The following SCYL1 variants were observed in gnomAD, a reference collection of about 807,000 sequenced individuals.
The protein encoded by SCYL1 is N-terminal kinase-like protein.
A neutral mutation model predicts 94.8 loss-of-function variants in SCYL1; 85 were observed. The ratio of observed to expected loss-of-function variants is 0.90; its 90% CI spans 0.75 to 1.07. SCYL1 has a LOEUF of 1.07. SCYL1 is among the 50% of genes least tolerant of loss of function. The probability of loss-of-function intolerance (pLI) is 0.00; values close to 1 mark genes in which losing one functional copy is unlikely to be tolerated. For synonymous variants in SCYL1, 459 were observed against 435.5 expected, an observed-to-expected ratio of 1.05 and a Z score of -0.67; for missense variants, 968 against 1,083.3, an observed-to-expected ratio of 0.89 and a Z score of 1.49.
At chr11:65,530,885 GC>G in intron 7 of SCYL1, 98 bp downstream of exon 7, 1 of 1,351,838 alleles carries the variant, frequency 7.4e-7, no homozygotes, top group Non-Finnish European at 9.9e-7. Context: ...GCAGACCCAA[GC>G]CCATATGAGC....
rs751907866 is a variant in SCYL1 at position 65,530,620 on chromosome 11, C to T, written c.850-9C>T. ...ATCTCTTCCCCGGGTCCCGTCCTCA[C>T]TCCCCCAGATCAAAGAGCCAGCCGA... is the stretch of plus-strand genomic sequence containing the variant. On this transcript the variant is annotated splice_polypyrimidine_tract_variant and intron_variant, in intron 6 of 17. Transcript: ENST00000270176. 4 of 1,610,858 alleles carry T rather than the reference C, an allele frequency of 2.5e-6. No individual in the cohort carries two copies. The highest frequency in any genetic ancestry group is 3.4e-6 in the Non-Finnish European group (4 of 1,178,266).
intron 6 of SCYL1, 126 bp from the exon 7 acceptor site, chr11:65,530,503 C>T: frequency 9.3e-7 from 1 of 1,076,096 alleles, no homozygotes; most frequent in Non-Finnish European, 1.3e-6. Context: ...GGGCTTTGAA[C>T]CCAGGCAGCC....
Position 65,531,629 on chromosome 11 carries a change from G to A in SCYL1, c.1062G>A (p.Val354=), listed in dbSNP as rs763306477. The change falls in exon 8 of 18, where the codon GTG becomes GTA. Residue 354 remains valine, a synonymous_variant. Coordinates refer to ENST00000270176, the MANE Select transcript of SCYL1 (RefSeq NM_020680.4). The part of the protein sequence containing the change: ...EEYQQKIIPV[V]VKMFSSTDRA... ...ATCAGCAGAAGATCATCCCTGTGGT[G>A]GTCAAGATGTTCTCATCCACTGACC... 52 of 1,614,014 alleles carry A rather than the reference G, an allele frequency of 3.2e-5. No individual in the cohort carries two copies. Among genetic ancestry groups the A allele is most frequent in the Non-Finnish European group, 3.8e-5 (45 of 1,180,012 alleles).
intron 13 of SCYL1, 60 bp downstream of exon 13, chr11:65,536,810 G>A (rs1244273399): frequency 1.3e-6 from 2 of 1,530,770 alleles, no homozygotes; most frequent in Non-Finnish European, 1.8e-6. Flanking sequence ...CAGGCACCCA[G>A]GAACTCTTAC....
chr11:65,525,345 C>A, intron 1 of SCYL1, 81 bp downstream of exon 1: 2 of 1,171,814 alleles, frequency 1.7e-6, no homozygotes, highest in South Asian at 1.7e-5. Flanking sequence ...GCGTTGCGCC[C>A]GGCCTGACGT....
chr11:65,527,516 A>G (rs1855145056), intron 6 of SCYL1, among the ~76,000 whole-genome samples: 1 of 152,058 alleles, frequency 6.6e-6, no homozygotes, highest in African/African-American at 2.4e-5. Flanking sequence ...AGGTGGGTGG[A>G]TCACCTGAGG....
Position 65,536,688 on chromosome 11 carries a change from TC to T in SCYL1, c.1756del (p.Arg586ValfsTer87). ...GTCTCCTCACTCACCTCCAAGCTGA[TC>T]CGTTCGCACCCAACCACTGCCCCAA... ...TGVSSLTSKL[I>X]RSHPTTAPTE... On this transcript the variant is annotated frameshift_variant, in exon 13 of 18. Transcript: ENST00000270176. LOFTEE classifies it high-confidence loss of function. 1 of 1,613,910 alleles carries T rather than the reference TC, an allele frequency of 6.2e-7. No homozygotes were observed. Among genetic ancestry groups the T allele is most frequent in the Non-Finnish European group, 8.5e-7 (1 of 1,179,844 alleles).
intron 6 of SCYL1, among the ~76,000 whole-genome samples, chr11:65,530,368 C>T (rs945337921): frequency 6.6e-5 from 10 of 152,192 alleles, no homozygotes; most frequent in African/African-American, 2.2e-4. Context: ...CCTAACCCAC[C>T]GAGCATCTGC....
In SCYL1 at chr11:65,536,619, T is replaced by C. The variant is rs1306508826; in HGVS notation, c.1685T>C (p.Met562Thr). 1 of 1,613,858 alleles carries C rather than the reference T, an allele frequency of 6.2e-7. No homozygotes were observed. Among genetic ancestry groups the C allele is most frequent in the African/African-American group, 1.3e-5 (1 of 74,886 alleles). The change falls in exon 13 of 18, where the codon ATG becomes ACG. Residue 562 changes from methionine to threonine, a missense_variant. By Grantham distance (81) the Met-to-Thr change is moderately conservative (BLOSUM62 -1). Transcript: ENST00000270176. The part of the protein sequence containing the change: ...KDVHAASSPG[M>T]GGAAASWAGW... ...GTCCATGCAGCCTCCAGCCCTGGCATGGGAGGAGCCGCAGCTAGCTGGGCA... is the reference window on the plus strand; with the variant it reads ...GTCCATGCAGCCTCCAGCCCTGGCACGGGAGGAGCCGCAGCTAGCTGGGCA...
chr11:65,525,607 G>C lies in SCYL1; in HGVS notation c.145G>C (p.Asp49His), dbSNP rs778242705. 2 of 1,612,760 alleles carry C rather than the reference G, an allele frequency of 1.2e-6. No homozygotes were observed. The highest frequency in any genetic ancestry group is 1.7e-6 in the Non-Finnish European group (2 of 1,179,976). ...CAGCCCCGTGTCCATCTTCGTCTAT[G>C]ATGTGAAGCCTGGCGCGGAAGAGCA... The part of the protein sequence containing the change: ...TGSPVSIFVY[D>H]VKPGAEEQTQ... The change falls in exon 2 of 18, where the codon GAT becomes CAT. Residue 49 changes from aspartate (D) to histidine (H), a missense_variant. By Grantham distance (81) the Asp-to-His change is moderately conservative. Transcript: ENST00000270176.
chr11:65,535,238 C>T lies in SCYL1; in HGVS notation c.1242C>T (p.Leu414=), dbSNP rs780431702. 7 of 1,613,998 alleles carry T rather than the reference C, an allele frequency of 4.3e-6. No homozygotes were observed. Among genetic ancestry groups the T allele is most frequent in the African/African-American group, 1.3e-5 (1 of 74,934 alleles). Residue 414 remains leucine (L), a synonymous_variant, in exon 10 of 18, where the codon CTC becomes CTT. Transcript: ENST00000270176. ...IREQTVKSML[L]LAPKLNEANL... The stretch of plus-strand genomic sequence containing the variant: ...TTTCTGCCCCACAGTCCATGCTGCT[C>T]CTGGCCCCAAAGCTGAACGAGGCCA...
At chr11:65,536,228 G>A in intron 11 of SCYL1, 31 bp from the exon 12 acceptor site, 1 of 1,609,904 alleles carries the variant, frequency 6.2e-7, no homozygotes, top group Non-Finnish European at 8.5e-7. Context: ...GGGAACCCCA[G>A]AGACCCCAGC....
At chr11:65,528,107 A>G (rs1855180943) in intron 6 of SCYL1, among the ~76,000 whole-genome samples, 1 of 152,184 alleles carries the variant, frequency 6.6e-6, no homozygotes, top group Admixed American at 6.5e-5. Context: ...CAGATCCCCA[A>G]CCTTGGGAAC....
intron 6 of SCYL1, among the ~76,000 whole-genome samples, chr11:65,527,671 G>A (rs1855153981): frequency 6.7e-6 from 1 of 148,388 alleles, no homozygotes; most frequent in Admixed American, 6.8e-5. Flanking sequence ...GACGGAGGTT[G>A]CAGTGAGCCG....
At chr11:65,537,241 C>T (rs769403404) in intron 14 of SCYL1, 113 bp downstream of exon 14, 42 of 1,173,972 alleles carry the variant, frequency 3.6e-5, no homozygotes, top group Non-Finnish European at 5.0e-5. Flanking sequence ...ATCAGCACAG[C>T]ATCCCTGGCA....
At position 65,538,311 on chromosome 11, in the gene SCYL1, C is replaced by T. The variant is rs1460881991; in HGVS notation, c.2289C>T (p.Leu763=). ...GGGGTGAGGACAACTGGGAGGGCCTCGAGACTGACAGTCGTAAGTGCTTCC... is the reference window on the plus strand; with the variant it reads ...GGGGTGAGGACAACTGGGAGGGCCTTGAGACTGACAGTCGTAAGTGCTTCC... The part of the protein sequence containing the change: ...DSWGEDNWEG[L]ETDSRQVKAE... Residue 763 remains leucine (L), a synonymous_variant, in exon 17 of 18, where the codon CTC becomes CTT. Transcript: ENST00000270176. The T allele has an allele frequency of 3.2e-6, 5 of 1,550,184 alleles. No homozygotes were observed. Among genetic ancestry groups the T allele is most frequent in the Non-Finnish European group, 4.4e-6 (5 of 1,146,408 alleles).
rs1449713419 is a variant in SCYL1 at position 65,538,647 on chromosome 11, G to T, written c.*81G>T. On this transcript the variant is annotated 3_prime_UTR_variant, in exon 18 of 18. Coordinates refer to ENST00000270176, the MANE Select transcript of SCYL1 (RefSeq NM_020680.4). ...TGTACAAACCATGTGAGCCCGGCCG[G>T]CCCAGCCAGGCCATCTCACGTGTAC... 4 of 1,455,604 alleles carry T rather than the reference G, an allele frequency of 2.7e-6. No homozygotes were observed. The highest frequency in any genetic ancestry group is 3.7e-6 in the Non-Finnish European group (4 of 1,085,388). 90.2% of individuals were successfully genotyped at this position (1,455,604 alleles called of 1,614,324 possible). A position where few individuals can be genotyped will look rare whatever the true frequency, so the allele number is the denominator to read the frequency against.
chr11:65,525,083 G>A lies in SCYL1; in HGVS notation c.-71G>A. ...CTGACGCAGGCCCCGCCCCCTCTCC[G>A]CCCCGCCCCGGCTCGGGCGGCCGGA... On this transcript the variant is annotated 5_prime_UTR_variant, in exon 1 of 18. Coordinates refer to ENST00000270176, the MANE Select transcript of SCYL1 (RefSeq NM_020680.4). 1 of 1,041,344 alleles carries A rather than the reference G, an allele frequency of 9.6e-7. No homozygotes were observed. Among genetic ancestry groups the A allele is most frequent in the Non-Finnish European group, 1.2e-6 (1 of 808,338 alleles). 64.5% of individuals were successfully genotyped at this position (1,041,344 alleles called of 1,614,324 possible).
chr11:65,528,227 G>C (rs1032905698), intron 6 of SCYL1, among the ~76,000 whole-genome samples: 21 of 152,162 alleles, frequency 1.4e-4, no homozygotes, highest in African/African-American at 5.1e-4. Flanking sequence ...TGGATCACCT[G>C]AGGTCGGGAG....
Sources: allele counts gnomAD v4.1 joint callset (sites outside exome capture counted in the v4.1 genomes callset), GRCh38; gene constraint gnomAD v4.1.1; transcripts MANE v1.5; gene names NCBI Gene and HGNC (gene_info 2026-07-23, HGNC 2026-07-21).